The following ACBD6 variants were observed in gnomAD, a reference collection of about 807,000 sequenced individuals.
ACBD6 encodes the protein acyl-CoA binding domain containing 6, also known as acyl-CoA-binding domain-containing protein 6.
A neutral mutation model predicts 37.2 loss-of-function variants in ACBD6; 28 were observed. That is an observed-to-expected ratio of 0.75 (90% CI 0.56 to 1.03). The LOEUF is 1.03. ACBD6 is among the 50% of genes least tolerant of loss of function. ACBD6 has a pLI of 0.00. For synonymous variants in ACBD6, 113 were observed against 126.8 expected, an observed-to-expected ratio of 0.89 and a Z score of 0.73; for missense variants, 340 against 337.4, an observed-to-expected ratio of 1.01 and a Z score of -0.06.
chr1:180,464,569 A>G (rs1650277284), intron 3 of ACBD6, among the ~76,000 whole-genome samples: 1 of 152,192 alleles, frequency 6.6e-6, no homozygotes, highest in Non-Finnish European at 1.5e-5. Context: ...CCCCATGCTC[A>G]TGGACAGGAA....
intron 6 of ACBD6, among the ~76,000 whole-genome samples, chr1:180,318,690 G>A (rs1033936710): frequency 6.6e-6 from 1 of 152,100 alleles, no homozygotes; most frequent in African/African-American, 2.4e-5. Flanking sequence ...CCCGGACTTG[G>A]AGCACAGGCT....
At chr1:180,494,116 C>A (rs914285547) in intron 2 of ACBD6, among the ~76,000 whole-genome samples, 3 of 152,116 alleles carry the variant, frequency 2.0e-5, no homozygotes, top group Non-Finnish European at 2.9e-5. Flanking sequence ...CTGTAACCCA[C>A]GGTTTTGCTC....
At chr1:180,496,740 T>C (rs1001832960) in intron 1 of ACBD6, among the ~76,000 whole-genome samples, 2 of 152,178 alleles carry the variant, frequency 1.3e-5, no homozygotes, top group East Asian at 3.8e-4. Context: ...TATTAAAATG[T>C]ATACTTACAT....
intron 3 of ACBD6, among the ~76,000 whole-genome samples, chr1:180,459,376 T>C (rs1027706695): frequency 6.6e-6 from 1 of 152,148 alleles, no homozygotes; most frequent in African/African-American, 2.4e-5. Context: ...TAGCAGCCCA[T>C]AAAGCCATAG....
chr1:180,445,907 T>G (rs1649451630), intron 3 of ACBD6, among the ~76,000 whole-genome samples: 1 of 152,190 alleles, frequency 6.6e-6, no homozygotes, highest in South Asian at 2.1e-4. Context: ...AAGCCTGTGT[T>G]CTATTAAATT....
chr1:180,409,541 T>C (rs1030407770), intron 5 of ACBD6, among the ~76,000 whole-genome samples: 4 of 152,206 alleles, frequency 2.6e-5, no homozygotes, highest in African/African-American at 9.7e-5. Context: ...ATTCTTGCAA[T>C]ACTTCAAAGT....
chr1:180,428,182 C>T (rs1240990435), intron 4 of ACBD6, among the ~76,000 whole-genome samples: 1 of 151,954 alleles, frequency 6.6e-6, no homozygotes, highest in Non-Finnish European at 1.5e-5. Context: ...TATCATAAGA[C>T]TAATACTTAA....
Position 180,502,091 on chromosome 1 carries a change from A to C in ACBD6, c.176T>G (p.Val59Gly). The C allele has an allele frequency of 6.2e-7, 1 of 1,613,738 alleles. No homozygotes were observed. Among genetic ancestry groups the C allele is most frequent in the Non-Finnish European group, 8.5e-7 (1 of 1,179,880 alleles). Residue 59 changes from valine (V) to glycine (G), a missense_variant, in exon 1 of 8, where the codon GTG (valine) becomes GGG (glycine). By Grantham distance (109) the Val-to-Gly change is moderately radical. Coordinates refer to ENST00000367595, the MANE Select transcript of ACBD6 (RefSeq NM_032360.4). Reference sequence around the variant, plus strand: ...GTACAAGAGCTGCTCCCTGCTGGCCACCTGAATCAGGCCTTGCAGGTGCGC... The same window carrying C: ...GTACAAGAGCTGCTCCCTGCTGGCCCCCTGAATCAGGCCTTGCAGGTGCGC... ...AAAHLQGLIQ[V>G]ASREQLLYLY...
At chr1:180,389,150 C>T (rs1225140475) in intron 6 of ACBD6, among the ~76,000 whole-genome samples, 1 of 152,144 alleles carries the variant, frequency 6.6e-6, no homozygotes, top group Non-Finnish European at 1.5e-5. Context: ...GTTATCCCTT[C>T]CCGCTCCCCC....
intron 6 of ACBD6, among the ~76,000 whole-genome samples, chr1:180,344,404 C>G (rs1652096201): frequency 6.6e-6 from 1 of 151,908 alleles, no homozygotes; most frequent in Non-Finnish European, 1.5e-5. Flanking sequence ...GCTATAAACA[C>G]CCATGGTATA....
At chr1:180,379,384 C>A (rs1392356417) in intron 6 of ACBD6, among the ~76,000 whole-genome samples, 2 of 152,100 alleles carry the variant, frequency 1.3e-5, no homozygotes, top group African/African-American at 2.4e-5. Context: ...CATAATAATT[C>A]TCCAGCAACA....
chr1:180,338,396 T>C (rs1270488979), intron 6 of ACBD6, among the ~76,000 whole-genome samples: 1 of 152,164 alleles, frequency 6.6e-6, no homozygotes, highest in African/African-American at 2.4e-5. Flanking sequence ...TATCTGATCT[T>C]TGACAAACCT....
chr1:180,280,611 T>C (rs1319830027), intron 9 of ACBD6, among the ~76,000 whole-genome samples: 4 of 152,340 alleles, frequency 2.6e-5, no homozygotes, highest in Middle Eastern at 3.4e-3. Flanking sequence ...AGGAGAGTCA[T>C]GACCCTTTGC....
intron 9 of ACBD6, chr1:180,278,233 G>A (rs938877867): frequency 6.6e-6 from 1 of 152,218 alleles, no homozygotes; most frequent in Admixed American, 6.5e-5. Flanking sequence ...ATTGGAAACC[G>A]TGAGATGAAG....
intron 4 of ACBD6, among the ~76,000 whole-genome samples, chr1:180,428,711 A>T (rs1648697442): frequency 6.6e-6 from 1 of 152,226 alleles, no homozygotes; most frequent in South Asian, 2.1e-4. Flanking sequence ...CCTTAAGGAA[A>T]ATGGCATACA....
chr1:180,366,440 G>T (rs762863192), intron 6 of ACBD6, among the ~76,000 whole-genome samples: 9 of 152,104 alleles, frequency 5.9e-5, no homozygotes, highest in Non-Finnish European at 8.8e-5. Flanking sequence ...ACAATTTCTG[G>T]TTAATAGCAG....
chr1:180,271,703 G>C (rs761227558), exon 14 of ACBD6: 36 of 1,279,948 alleles, frequency 2.8e-5, no homozygotes, highest in Non-Finnish European at 3.9e-5. Context: ...GAGGGGGTGG[G>C]GCGCATCGCA....
At chr1:180,427,322 C>T (rs2101992843) in intron 4 of ACBD6, among the ~76,000 whole-genome samples, 1 of 152,224 alleles carries the variant, frequency 6.6e-6, no homozygotes, top group East Asian at 1.9e-4. Flanking sequence ...AATAACAGTT[C>T]CATAGAAAAG....
rs150097804 is a variant in ACBD6 at position 180,458,735 on chromosome 1, T to C, written c.385-28473A>G. 3.5e-4 allele frequency among the ~76,000 whole-genome samples: 53 copies of C among 152,180 alleles called. No individual in the cohort carries two copies. In the East Asian group the frequency reaches 0.01, roughly 29 times the overall value. On this transcript the variant is annotated intron_variant, in intron 3 of 7. Transcript: ENST00000367595. ...TATCAAATGGCAATCAAATTTACAG[T>C]GTGTAAAGTTAGAGCTAAGTCTGGA... is the stretch of plus-strand genomic sequence containing the variant.
Sources: allele counts gnomAD v4.1 joint callset (sites outside exome capture counted in the v4.1 genomes callset), GRCh38; gene constraint gnomAD v4.1.1; transcripts MANE v1.5; gene names NCBI Gene and HGNC (gene_info 2026-07-23, HGNC 2026-07-21).